BTBD10: variants seen among roughly 807,000 people sequenced by gnomAD.
The protein encoded by BTBD10 is BTB domain containing 10.
A neutral mutation model predicts 53.2 loss-of-function variants in BTBD10; 21 were observed. That is an observed-to-expected ratio of 0.39 (90% CI 0.28 to 0.57). The LOEUF (loss-of-function observed/expected upper bound fraction) is 0.57, where lower values mean the gene tolerates loss of function less well. Among genes scored for constraint, BTBD10 ranks in the 20% least tolerant of loss-of-function variants. The probability of loss-of-function intolerance (pLI) is 0.53; values close to 1 mark genes in which losing one functional copy is unlikely to be tolerated. For missense variants in BTBD10, 360 were observed against 594.7 expected (o/e 0.61, Z 4.10); for synonymous variants, 149 against 192.7 (o/e 0.77, Z 1.88).
At chr11:13,451,884 A>C (rs1328016041) in intron 1 of BTBD10, among the ~76,000 whole-genome samples, 1 of 152,192 alleles carries the variant, frequency 6.6e-6, no homozygotes, top group Non-Finnish European at 1.5e-5. Context: ...TTGACGACTG[A>C]CACAAAGGGC....
intron 4 of BTBD10, among the ~76,000 whole-genome samples, chr11:13,418,280 G>A (rs1454799600): frequency 6.6e-6 from 1 of 151,916 alleles, no homozygotes; most frequent in Non-Finnish European, 1.5e-5. Flanking sequence ...AGAAGGCTTT[G>A]CTAATTGAAA....
intron 1 of BTBD10, among the ~76,000 whole-genome samples, chr11:13,450,918 A>C (rs1351017195): frequency 1.3e-5 from 2 of 152,212 alleles, no homozygotes; most frequent in African/African-American, 4.8e-5. Flanking sequence ...TACTCTTGAA[A>C]AACTACAACT....
At chr11:13,397,650 A>G (rs536778691) in intron 8 of BTBD10, among the ~76,000 whole-genome samples, 72 of 152,172 alleles carry the variant, frequency 4.7e-4, no homozygotes, top group African/African-American at 1.6e-3. Flanking sequence ...TCAATTTTAG[A>G]TCTTTCCTGC....
At chr11:13,393,215 A>G (rs1949452111) in intron 8 of BTBD10, among the ~76,000 whole-genome samples, 1 of 152,198 alleles carries the variant, frequency 6.6e-6, no homozygotes, top group East Asian at 1.9e-4. Flanking sequence ...TGACTATAGC[A>G]ATCTCTCAAT....
chr11:13,438,926 C>T (rs1411698621), intron 2 of BTBD10, among the ~76,000 whole-genome samples: 1 of 151,558 alleles, frequency 6.6e-6, no homozygotes, highest in East Asian at 1.9e-4. Flanking sequence ...ATTTCTGGAC[C>T]CTAAACCACA....
intron 8 of BTBD10, among the ~76,000 whole-genome samples, chr11:13,399,464 G>GT (rs1362890052): frequency 6.6e-5 from 10 of 152,086 alleles, no homozygotes; most frequent in Admixed American, 5.9e-4. Context: ...TTTTTTCAAA[G>GT]TTTTTAACTT....
chr11:13,443,202 T>C (rs1186758894), intron 2 of BTBD10, among the ~76,000 whole-genome samples: 2 of 150,984 alleles, frequency 1.3e-5, no homozygotes, highest in Admixed American at 6.6e-5. Flanking sequence ...TGCAGTAAGT[T>C]GAGATGGTGC....
chr11:13,430,059 T>C (rs759547720), intron 2 of BTBD10, among the ~76,000 whole-genome samples: 22 of 152,088 alleles, frequency 1.4e-4, no homozygotes, highest in Non-Finnish European at 2.8e-4. Flanking sequence ...TGAGTCATGG[T>C]CATCATGCTA....
chr11:13,429,063 G>GA (rs1440468291), intron 2 of BTBD10, among the ~76,000 whole-genome samples: 1 of 151,694 alleles, frequency 6.6e-6, no homozygotes, highest in Non-Finnish European at 1.5e-5. Context: ...CAAAAGATGT[G>GA]AAAAACTCAC....
At chr11:13,403,058 TG>T in intron 8 of BTBD10, 109 bp downstream of exon 8, 1 of 693,580 alleles carries the variant, frequency 1.4e-6, no homozygotes, top group South Asian at 2.1e-5. Flanking sequence ...GGTAATCATT[TG>T]TCAGAGTTTT....
intron 2 of BTBD10, among the ~76,000 whole-genome samples, chr11:13,443,102 G>T (rs1259942313): frequency 1.3e-5 from 2 of 151,966 alleles, no homozygotes; most frequent in Non-Finnish European, 2.9e-5. Context: ...GCTCCAATTA[G>T]CTGAGTGTGG....
chr11:13,439,788 A>C, intron 2 of BTBD10: 1 of 1,012,578 alleles, frequency 9.9e-7, no homozygotes, highest in South Asian at 2.0e-5. Context: ...ATCATAATGA[A>C]ACAAAGGTCA....
intron 5 of BTBD10, among the ~76,000 whole-genome samples, chr11:13,415,107 CTTTTTTT>C (rs756343405): frequency 2.3e-4 from 29 of 127,092 alleles, no homozygotes; most frequent in Non-Finnish European, 4.0e-4. Flanking sequence ...TCAATCAAAC[CTTTTTTT>C]TTTTTTTTTT....
chr11:13,457,679 G>T (rs745995830), intron 1 of BTBD10, among the ~76,000 whole-genome samples: 10 of 152,076 alleles, frequency 6.6e-5, no homozygotes, highest in Non-Finnish European at 1.2e-4. Context: ...AAGGTAATAG[G>T]GATGTAATCA....
intron 8 of BTBD10, among the ~76,000 whole-genome samples, chr11:13,398,755 C>G (rs1405073439): frequency 6.6e-6 from 1 of 152,174 alleles, no homozygotes; most frequent in Non-Finnish European, 1.5e-5. Context: ...CAAAATCTCT[C>G]AGCATTTGCT....
intron 3 of BTBD10, among the ~76,000 whole-genome samples, chr11:13,421,259 T>C (rs537932384): frequency 1.9e-4 from 29 of 152,242 alleles, no homozygotes; most frequent in Non-Finnish European, 4.0e-4. Flanking sequence ...AATAACATGA[T>C]GGCTATTCTA....
chr11:13,441,491 G>A (rs1467041732), intron 2 of BTBD10, among the ~76,000 whole-genome samples: 1 of 151,892 alleles, frequency 6.6e-6, no homozygotes, highest in Non-Finnish European at 1.5e-5. Context: ...ATAATTAAAT[G>A]ATTTTTTAAA....
rs952797795 is a variant in BTBD10 at position 13,457,170 on chromosome 11, T to TTAAA, written c.-58+5918_-58+5921dup. 5.3e-5 allele frequency among the ~76,000 whole-genome samples: 8 copies of TTAAA among 151,554 alleles called. No individual in the cohort carries two copies. The East Asian group carries it at 5.8e-4, about 11-fold the overall frequency. On this transcript the variant is annotated intron_variant, in intron 1 of 8. Coordinates refer to ENST00000278174, the MANE Select transcript of BTBD10 (RefSeq NM_032320.7). ...GAGTGAGACCCTGTCTCAAAAAAAA[T>TTAAA]TAAATAAATAAATAAATAAAATAAA...
chr11:13,413,182 T>C (rs991462659), intron 6 of BTBD10, among the ~76,000 whole-genome samples: 11 of 152,192 alleles, frequency 7.2e-5, no homozygotes, highest in Non-Finnish European at 1.6e-4. Context: ...AATTTTTGGA[T>C]GATGTAATCA....
Sources: gnomAD v4.1 joint callset for allele counts (sites outside exome capture counted in the v4.1 genomes callset) on GRCh38, gnomAD v4.1.1 for gene constraint, MANE v1.5 for transcripts, NCBI Gene and HGNC (gene_info 2026-07-23, HGNC 2026-07-21) for gene names.